The following FBXL4 variants were observed in gnomAD, a reference collection of about 807,000 sequenced individuals.
FBXL4 encodes the protein F-box and leucine rich repeat protein 4, also known as F-box/LRR-repeat protein 4.
A neutral mutation model predicts 58.9 loss-of-function variants in FBXL4; 40 were observed. That is an observed-to-expected ratio of 0.68 (90% confidence interval 0.53 to 0.88). The LOEUF is 0.88. Among genes scored for constraint, FBXL4 ranks in the 40% least tolerant of loss-of-function variants. The probability of loss-of-function intolerance (pLI) is 0.00; values close to 1 mark genes in which losing one functional copy is unlikely to be tolerated. For missense variants in FBXL4, 676 were observed against 734.4 expected (o/e 0.92, Z 0.92); for synonymous variants, 263 against 265.5 (o/e 0.99, Z 0.09).
At chr6:98,917,311 T>C (rs1772396460) in intron 5 of FBXL4, 63 bp downstream of exon 5, 1 of 1,089,458 alleles carries the variant, frequency 9.2e-7, no homozygotes, top group East Asian at 2.4e-5. Context: ...TAAACATTAA[T>C]ATCTAAAGAT....
At chr6:98,908,237 C>T (rs1467564667) in intron 5 of FBXL4, among the ~76,000 whole-genome samples, 1 of 152,166 alleles carries the variant, frequency 6.6e-6, no homozygotes, top group Non-Finnish European at 1.5e-5. Flanking sequence ...TTTCTGATCT[C>T]TTCCAAATAA....
chr6:98,906,107 T>C (rs1031879855), intron 5 of FBXL4, among the ~76,000 whole-genome samples: 5 of 150,346 alleles, frequency 3.3e-5, no homozygotes, highest in Admixed American at 6.7e-5. Context: ...AGAATGCTAC[T>C]AAAGCCTAGC....
chr6:98,888,926 C>T (rs1020849945), intron 7 of FBXL4, among the ~76,000 whole-genome samples: 5 of 152,212 alleles, frequency 3.3e-5, no homozygotes, highest in Non-Finnish European at 5.9e-5. Context: ...AGCTTCAAAA[C>T]CCAATGAATA....
chr6:98,942,483 T>C (rs1054945989), intron 1 of FBXL4, among the ~76,000 whole-genome samples: 4 of 152,096 alleles, frequency 2.6e-5, no homozygotes, highest in African/African-American at 9.7e-5. Context: ...CCTAGTGGTG[T>C]TCTCATATGA....
intron 5 of FBXL4, among the ~76,000 whole-genome samples, chr6:98,908,530 A>G (rs1381798250): frequency 6.6e-6 from 1 of 152,184 alleles, no homozygotes; most frequent in Non-Finnish European, 1.5e-5. Context: ...ATATCCTTAT[A>G]GTAAATTACA....
intron 7 of FBXL4, chr6:98,896,683 T>G: frequency 1.4e-6 from 1 of 733,532 alleles, no homozygotes; most frequent in Non-Finnish European, 1.7e-6. Flanking sequence ...GTAGTGTTTA[T>G]GATATTTTAC....
intron 7 of FBXL4, among the ~76,000 whole-genome samples, chr6:98,891,916 A>C (rs900957452): frequency 1.3e-5 from 2 of 152,054 alleles, no homozygotes; most frequent in African/African-American, 4.8e-5. Flanking sequence ...GTGTTTGATA[A>C]GGAGTCTGCC....
chr6:98,923,425 A>G (rs145941770), intron 4 of FBXL4, among the ~76,000 whole-genome samples: 2 of 152,292 alleles, frequency 1.3e-5, no homozygotes, highest in African/African-American at 4.8e-5. Context: ...TGTTACTCCC[A>G]TGTCTCCAGT....
intron 5 of FBXL4, among the ~76,000 whole-genome samples, chr6:98,913,357 A>T (rs1461792738): frequency 6.6e-6 from 1 of 152,122 alleles, no homozygotes; most frequent in Non-Finnish European, 1.5e-5. Context: ...CTCCACCCCA[A>T]ATCAAAAGAA....
intron 2 of FBXL4, among the ~76,000 whole-genome samples, chr6:98,928,734 A>G (rs1054619921): frequency 2.0e-5 from 3 of 152,184 alleles, no homozygotes; most frequent in Admixed American, 6.5e-5. Context: ...AAAACCTCCA[A>G]TGCCTTTTTC....
intron 7 of FBXL4, among the ~76,000 whole-genome samples, chr6:98,891,195 G>A (rs1346895559): frequency 6.6e-6 from 1 of 152,060 alleles, no homozygotes; most frequent in Non-Finnish European, 1.5e-5. Context: ...TTAGAATTCT[G>A]ACAGATCTCT....
At chr6:98,886,285 TGA>T (rs141914139) in intron 7 of FBXL4, among the ~76,000 whole-genome samples, 74 of 149,534 alleles carry the variant, frequency 4.9e-4, no homozygotes, top group African/African-American at 1.3e-3. Context: ...TAGGAGTAAA[TGA>T]GAGAGAGAGA....
intron 8 of FBXL4, among the ~76,000 whole-genome samples, chr6:98,879,800 G>A (rs919536618): frequency 8.6e-5 from 13 of 152,004 alleles, no homozygotes; most frequent in South Asian, 4.2e-4. Flanking sequence ...AAAATTAGCC[G>A]GGCATAGTGG....
At chr6:98,880,992 C>CA (rs1174040685) in intron 7 of FBXL4, among the ~76,000 whole-genome samples, 11 of 152,042 alleles carry the variant, frequency 7.2e-5, no homozygotes, top group Admixed American at 7.2e-4. Context: ...AAAACAAAAA[C>CA]AAAAAGACAA....
At chr6:98,893,200 A>C (rs1377123562) in intron 7 of FBXL4, among the ~76,000 whole-genome samples, 1 of 152,194 alleles carries the variant, frequency 6.6e-6, no homozygotes, top group African/African-American at 2.4e-5. Flanking sequence ...CTCATGCACT[A>C]TGTTAAAAAA....
At chr6:98,925,021 C>T (rs567979381) in intron 4 of FBXL4, among the ~76,000 whole-genome samples, 3 of 151,970 alleles carry the variant, frequency 2.0e-5, no homozygotes, top group East Asian at 3.9e-4. Context: ...ATTTAATGAA[C>T]GAGTGATTTA....
At chr6:98,923,385 T>C (rs1772657633) in intron 4 of FBXL4, among the ~76,000 whole-genome samples, 1 of 152,176 alleles carries the variant, frequency 6.6e-6, no homozygotes. Flanking sequence ...AATCCCAAAG[T>C]CTAGAAACCC....
chr6:98,894,545 T>G (rs1179783267), intron 7 of FBXL4, among the ~76,000 whole-genome samples: 1 of 152,110 alleles, frequency 6.6e-6, no homozygotes, highest in African/African-American at 2.4e-5. Context: ...CAAGAGTAAT[T>G]TCTTCTAAAA....
At chr6:98,897,781 C>CT (rs1052522128) in intron 7 of FBXL4, among the ~76,000 whole-genome samples, 27 of 152,140 alleles carry the variant, frequency 1.8e-4, no homozygotes, top group African/African-American at 6.3e-4. Flanking sequence ...GGCATCCTTG[C>CT]TTTACAACCA....
Sources: gnomAD v4.1 joint callset for allele counts (sites outside exome capture counted in the v4.1 genomes callset) on GRCh38, gnomAD v4.1.1 for gene constraint, MANE v1.5 for transcripts, NCBI Gene and HGNC (gene_info 2026-07-23, HGNC 2026-07-21) for gene names.